Variants in CSMD3 observed in about 807,000 individuals in gnomAD.
The protein encoded by CSMD3 is CUB and Sushi multiple domains 3, also known as CUB and sushi domain-containing protein 3.
Under a neutral mutation model 435.2 loss-of-function variants are expected in CSMD3, and 177 were observed. That is an observed-to-expected ratio of 0.41 (90% confidence interval 0.36 to 0.46). CSMD3 has a LOEUF of 0.46. CSMD3 is among the 20% of genes least tolerant of loss of function. The pLI is 0.34. For synonymous variants in CSMD3, 1,656 were observed against 1,520.5 expected (o/e 1.09, Z -2.07); for missense variants, 4,265 against 4,504.6 (o/e 0.95, Z 1.52).
At chr8:112,903,491 G>T (rs774283767) in intron 10 of CSMD3, among the ~76,000 whole-genome samples, 1 of 151,220 alleles carries the variant, frequency 6.6e-6, no homozygotes, top group Non-Finnish European at 1.5e-5. Context: ...GGCGAAGGGG[G>T]ATCAACAACC....
chr8:112,234,198 C>T (rs1813357998), intron 68 of CSMD3, among the ~76,000 whole-genome samples, 167 bp downstream of exon 68: 1 of 151,552 alleles, frequency 6.6e-6, no homozygotes, highest in Non-Finnish European at 1.5e-5. Flanking sequence ...ACATCAGAAT[C>T]CAGTATTCCT....
At chr8:112,504,786 C>T (rs1397115702) in intron 29 of CSMD3, among the ~76,000 whole-genome samples, 1 of 152,040 alleles carries the variant, frequency 6.6e-6, no homozygotes, top group Non-Finnish European at 1.5e-5. Flanking sequence ...ATTTAGAAGA[C>T]AGGGGACATG....
intron 13 of CSMD3, among the ~76,000 whole-genome samples, chr8:112,768,599 C>A (rs2078037725): frequency 6.6e-6 from 1 of 151,914 alleles, no homozygotes; most frequent in Admixed American, 6.6e-5. Flanking sequence ...GGCACAAACT[C>A]ATTGTCTCCT....
intron 13 of CSMD3, among the ~76,000 whole-genome samples, chr8:112,775,904 G>A (rs1402422425): frequency 6.6e-6 from 1 of 151,708 alleles, no homozygotes; most frequent in Non-Finnish European, 1.5e-5. Context: ...TATATAGAAA[G>A]TTACCTTTAT....
rs5894080 is a variant in CSMD3, at chr8:112,361,572, C to T, written c.6137-9038G>A. On this transcript the variant is annotated intron_variant, in intron 38 of 70. Transcript: ENST00000297405. Reference sequence around the variant, plus strand: ...GTGTGTATGTATATATATACACATACATATATATATATATATATATATATA... The same window carrying T: ...GTGTGTATGTATATATATACACATATATATATATATATATATATATATATA... Among the ~76,000 whole-genome samples the T allele has an allele frequency of 7.2e-3, 768 of 107,068 alleles. 12 individuals carry two copies. Among genetic ancestry groups the T allele is most frequent in the Non-Finnish European group, 0.012 (622 of 52,644 alleles). The allele number at this position is 107,068 out of a possible 152,430, so 70.2% of individuals were successfully genotyped here. A position where few individuals can be genotyped will look rare whatever the true frequency, so the allele number is the denominator to read the frequency against.
chr8:112,376,963 A>G (rs982098810), intron 38 of CSMD3, among the ~76,000 whole-genome samples: 4 of 152,134 alleles, frequency 2.6e-5, no homozygotes, highest in Non-Finnish European at 5.9e-5. Flanking sequence ...TACATTTGTG[A>G]TAATTTTATG....
At chr8:112,922,868 T>C (rs1364449679) in intron 9 of CSMD3, among the ~76,000 whole-genome samples, 3 of 152,166 alleles carry the variant, frequency 2.0e-5, no homozygotes, top group Admixed American at 2.0e-4. Context: ...CTCCAAGTTT[T>C]ATTTAGACTA....
chr8:113,005,856 A>C (rs2086036838), intron 6 of CSMD3, among the ~76,000 whole-genome samples: 1 of 152,008 alleles, frequency 6.6e-6, no homozygotes. Context: ...CCATTCATTA[A>C]TTTTGTATTA....
rs201868991 is a variant in CSMD3, at chr8:112,500,479, A to G, written c.5083+3311T>C. On this transcript the variant is annotated intron_variant, in intron 30 of 70. Transcript: ENST00000297405. ...TCCTATCTTATACAAACTATTCTCG[A>G]TACTAGAAAATTAAGAATGCTCCTA... Among the ~76,000 whole-genome samples the G allele has an allele frequency of 3.3e-5, 5 of 152,270 alleles. No homozygotes were observed. The East Asian group carries it at 7.7e-4, about 24-fold the overall frequency.
intron 4 of CSMD3, among the ~76,000 whole-genome samples, chr8:113,128,322 A>G (rs1227105981): frequency 6.6e-6 from 1 of 152,034 alleles, no homozygotes; most frequent in Non-Finnish European, 1.5e-5. Context: ...GGAAGGCAAA[A>G]AAATACACAT....
intron 10 of CSMD3, among the ~76,000 whole-genome samples, chr8:112,871,099 T>C (rs1049353423): frequency 1.3e-5 from 2 of 152,180 alleles, no homozygotes; most frequent in Admixed American, 1.3e-4. Flanking sequence ...TCTTTTAAAA[T>C]GAATACGTGA....
chr8:113,005,124 A>G (rs1411867533), intron 6 of CSMD3, among the ~76,000 whole-genome samples: 2 of 151,844 alleles, frequency 1.3e-5, no homozygotes, highest in African/African-American at 4.8e-5. Flanking sequence ...ACAGGGAGAG[A>G]GAGAGGATGA....
intron 1 of CSMD3, among the ~76,000 whole-genome samples, chr8:113,367,432 C>T (rs2094319582): frequency 6.6e-6 from 1 of 152,022 alleles, no homozygotes; most frequent in East Asian, 1.9e-4. Context: ...TTATCCATTA[C>T]ATTATTTCAA....
rs112829042 is a variant in CSMD3 at position 113,113,316 on chromosome 8, T to C, written c.710-14353A>G. Reference sequence around the variant, plus strand: ...ATTTAAACTGCTGACCTCAGTGCAATTGCTGAAATTTGCAAATAAAATTAA... The same window carrying C: ...ATTTAAACTGCTGACCTCAGTGCAACTGCTGAAATTTGCAAATAAAATTAA... On this transcript the variant is annotated intron_variant, in intron 4 of 70. Coordinates refer to ENST00000297405, the MANE Select transcript of CSMD3 (RefSeq NM_198123.2). Among the ~76,000 whole-genome samples, 432 of 152,314 alleles carry C rather than the reference T, an allele frequency of 2.8e-3. 2 individuals carry two copies. The highest frequency in any genetic ancestry group is 9.7e-3 in the African/African-American group (402 of 41,582).
intron 13 of CSMD3, among the ~76,000 whole-genome samples, chr8:112,763,516 A>G (rs2077896064): frequency 6.7e-6 from 1 of 149,622 alleles, no homozygotes; most frequent in Non-Finnish European, 1.5e-5. Context: ...ACATTTGAAC[A>G]TTGAATAATA....
chr8:112,639,650 T>C (rs1336468498), intron 20 of CSMD3, among the ~76,000 whole-genome samples: 3 of 152,140 alleles, frequency 2.0e-5, no homozygotes, highest in African/African-American at 7.2e-5. Flanking sequence ...GCTTTGTATA[T>C]ATATTTTGTA....
rs980320052 is a variant in CSMD3 at position 113,354,114 on chromosome 8, T to C, written c.179-39321A>G. 2.6e-5 allele frequency among the ~76,000 whole-genome samples: 4 copies of C among 152,202 alleles called. 1 individual carries two copies. In the South Asian group the frequency reaches 8.3e-4, roughly 31 times the overall value. ...TAATGAATGACCGACCATTGCATGT[T>C]TCTCAAAGGAGAGGCCAGGTAAAGT... On this transcript the variant is annotated intron_variant, in intron 1 of 70. Coordinates refer to ENST00000297405, the MANE Select transcript of CSMD3 (RefSeq NM_198123.2).
At chr8:113,303,394 A>C (rs2093790198) in intron 2 of CSMD3, among the ~76,000 whole-genome samples, 1 of 151,674 alleles carries the variant, frequency 6.6e-6, no homozygotes, top group African/African-American at 2.4e-5. Flanking sequence ...CTTTCTTCAC[A>C]GAATTGGAAA....
At chr8:112,546,905 T>C (rs899783761) in intron 27 of CSMD3, among the ~76,000 whole-genome samples, 1 of 152,192 alleles carries the variant, frequency 6.6e-6, no homozygotes, top group African/African-American at 2.4e-5. Flanking sequence ...AGTTGGTCTG[T>C]GGCCTACATT....
Sources: gnomAD v4.1 joint callset for allele counts (sites outside exome capture counted in the v4.1 genomes callset) on GRCh38, gnomAD v4.1.1 for gene constraint, MANE v1.5 for transcripts, NCBI Gene and HGNC (gene_info 2026-07-23, HGNC 2026-07-21) for gene names.